Variants in TLN2 observed in about 807,000 individuals in gnomAD.
TLN2 encodes talin 2.
In TLN2, 118 loss-of-function variants were observed where a neutral mutation model predicts 294.7. The ratio of observed to expected loss-of-function variants is 0.40; its 90% confidence interval spans 0.34 to 0.47. TLN2 has a LOEUF of 0.47. Ranked by LOEUF, TLN2 falls within the 20% of genes least tolerant of loss-of-function variation. The pLI, the probability that TLN2 is intolerant of heterozygous loss-of-function variation, is 0.84. For missense variants in TLN2, 3,083 were observed against 3,282.2 expected, an observed-to-expected ratio of 0.94 and a Z score of 1.48; for synonymous variants, 1,431 against 1,304.5, an observed-to-expected ratio of 1.10 and a Z score of -2.09.
At position 62,796,356 on chromosome 15, in the gene TLN2, C is replaced by T. The variant is rs80069328; in HGVS notation, c.6050+63C>T. 2,424 of 1,529,290 alleles carry T rather than the reference C, an allele frequency of 1.6e-3. 28 individuals are homozygous for T. The African/African-American group carries it at 0.029, about 18-fold the overall frequency. 94.7% of individuals were successfully genotyped at this position (1,529,290 alleles called of 1,614,324 possible). A position where few individuals can be genotyped will look rare whatever the true frequency, so the allele number is the denominator to read the frequency against. ...GCCTGCCCCTGAAACTCATGATCGA[C>T]TTGGAGACGCCACCTGGGAGCCAGA... On this transcript the variant is annotated intron_variant, in intron 47 of 58. Transcript: ENST00000636159.
chr15:62,757,606 C>G (rs2062371695), intron 37 of TLN2, among the ~76,000 whole-genome samples: 1 of 152,164 alleles, frequency 6.6e-6, no homozygotes, highest in South Asian at 2.1e-4. Flanking sequence ...ATCTCATGTT[C>G]TTTTCAGATT....
chr15:62,448,954 C>T (rs1440936282), intron 1 of TLN2, among the ~76,000 whole-genome samples: 1 of 152,164 alleles, frequency 6.6e-6, no homozygotes, highest in African/African-American at 2.4e-5. Flanking sequence ...TTTTGCAGGG[C>T]AACTGGCTTC....
chr15:62,424,713 C>T (rs1026768449), intron 1 of TLN2, among the ~76,000 whole-genome samples: 3 of 152,088 alleles, frequency 2.0e-5, no homozygotes, highest in Non-Finnish European at 2.9e-5. Context: ...AGTCTAGTGG[C>T]CCAATCTTGG....
chr15:62,405,953 T>C (rs1188026622), intron 1 of TLN2, among the ~76,000 whole-genome samples: 14 of 152,200 alleles, frequency 9.2e-5, no homozygotes, highest in Non-Finnish European at 2.9e-5. Context: ...GGCTCTTTGA[T>C]GAACCTCAGA....
rs557572198 is a variant in TLN2 at position 62,805,650 on chromosome 15, C to T, written c.6528C>T (p.Ser2176=). 3.2e-5 allele frequency: 52 copies of T among 1,613,942 alleles called. No individual in the cohort carries two copies. The East Asian group carries it at 1.1e-3, about 33-fold the overall frequency. ...AAAAGACATCATCACCTGAAGAATC[C>T]ATAAGGATGACGAAAGGCATCACCA... ...VPEKTSSPEE[S]IRMTKGITMA... Residue 2176 remains serine (S), a synonymous_variant, in exon 51 of 59, where the codon TCC becomes TCT. Coordinates refer to ENST00000636159, the MANE Select transcript of TLN2 (RefSeq NM_015059.3).
At chr15:62,517,672 C>A (rs11857489) in intron 1 of TLN2, among the ~76,000 whole-genome samples, 1 of 152,128 alleles carries the variant, frequency 6.6e-6, no homozygotes, top group African/African-American at 2.4e-5. Context: ...TCAAACACAC[C>A]GCTAATGTTA....
At chr15:62,446,056 G>T (rs917295485) in intron 1 of TLN2, among the ~76,000 whole-genome samples, 1 of 151,490 alleles carries the variant, frequency 6.6e-6, no homozygotes, top group African/African-American at 2.4e-5. Flanking sequence ...GCCCGGGCTG[G>T]AGTGCAGTGG....
chr15:62,644,484 C>T (rs1171504553), intron 3 of TLN2: 1 of 455,900 alleles, frequency 2.2e-6, no homozygotes, highest in Non-Finnish European at 4.4e-6. Context: ...CTATATTCCA[C>T]CTCTCCACTG....
intron 51 of TLN2, among the ~76,000 whole-genome samples, chr15:62,806,507 G>C (rs2066297652): frequency 6.6e-6 from 1 of 152,174 alleles, no homozygotes; most frequent in African/African-American, 2.4e-5. Context: ...TGCCATCCCT[G>C]GTGAGGAAGT....
At chr15:62,568,274 G>A (rs1257822512) in intron 1 of TLN2, among the ~76,000 whole-genome samples, 1 of 152,102 alleles carries the variant, frequency 6.6e-6, no homozygotes, top group Non-Finnish European at 1.5e-5. Flanking sequence ...AGTGGAGCCC[G>A]AGCAGGCAGA....
At chr15:62,559,674 G>T (rs1405975899) in intron 1 of TLN2, among the ~76,000 whole-genome samples, 1 of 152,116 alleles carries the variant, frequency 6.6e-6, no homozygotes, top group Non-Finnish European at 1.5e-5. Context: ...TGGTGGCAAT[G>T]GAAACCCATT....
At chr15:62,792,869 A>T in intron 46 of TLN2, 82 bp downstream of exon 46, 1 of 1,557,924 alleles carries the variant, frequency 6.4e-7, no homozygotes, top group East Asian at 2.4e-5. Context: ...CAAAAGCAGG[A>T]AACTCAGCCA....
intron 1 of TLN2, among the ~76,000 whole-genome samples, chr15:62,535,177 T>G (rs2041265256): frequency 6.6e-6 from 1 of 152,226 alleles, no homozygotes; most frequent in Non-Finnish European, 1.5e-5. Context: ...GAACACTTGC[T>G]GTTATTCTTC....
In TLN2 at chr15:62,645,061, G is replaced by T. The variant is rs145760273; in HGVS notation, c.-36-2214G>T. On this transcript the variant is annotated intron_variant, in intron 3 of 58. Transcript: ENST00000636159. ...CCACCAGTCATGCTTATGGATTTTA[G>T]CAATTGTTGCCAGCCCCAGGAGACA... is the stretch of plus-strand genomic sequence containing the variant. 2.7e-3 allele frequency: 430 copies of T among 158,344 alleles called. 3 individuals carry two copies. The highest frequency in any genetic ancestry group is 9.7e-3 in the African/African-American group (404 of 41,624). The allele number at this position is 158,344 out of a possible 1,614,324, so 9.8% of individuals were successfully genotyped here.
At position 62,842,291 on chromosome 15, in the gene TLN2, G is replaced by A. The variant is rs943250768; in HGVS notation, c.*1681G>A. 3 of 152,156 alleles carry A rather than the reference G, an allele frequency of 2.0e-5. No individual in the cohort carries two copies. The highest frequency in any genetic ancestry group is 7.2e-5 in the African/African-American group (3 of 41,420). 9.4% of individuals were successfully genotyped at this position (152,156 alleles called of 1,614,324 possible). ...TATGTGTAGGACACTGACAGTGTGT[G>A]GGCACCAGTTCTGAAGAGGAGGGGA... On this transcript the variant is annotated 3_prime_UTR_variant, in exon 59 of 59. Coordinates refer to ENST00000636159, the MANE Select transcript of TLN2 (RefSeq NM_015059.3).
At chr15:62,580,765 A>G (rs1043122470) in intron 1 of TLN2, among the ~76,000 whole-genome samples, 5 of 151,682 alleles carry the variant, frequency 3.3e-5, no homozygotes, top group Non-Finnish European at 7.4e-5. Flanking sequence ...GTAGAATGAT[A>G]CACATCCACC....
At chr15:62,745,511 T>C (rs191237838) in intron 32 of TLN2, among the ~76,000 whole-genome samples, 2 of 152,340 alleles carry the variant, frequency 1.3e-5, no homozygotes, top group East Asian at 3.9e-4. Context: ...CCTTTTAATA[T>C]ATGTCGTTCT....
intron 1 of TLN2, among the ~76,000 whole-genome samples, chr15:62,437,748 T>TGG (rs56340210): frequency 0.44 from 54,540 of 125,036 alleles, 10,006 homozygotes; most frequent in Middle Eastern, 0.66. Flanking sequence ...AAAAACACCA[T>TGG]GGGGGTGTGT....
intron 3 of TLN2, among the ~76,000 whole-genome samples, chr15:62,639,496 A>T (rs916341383): frequency 1.3e-5 from 2 of 152,194 alleles, no homozygotes; most frequent in Non-Finnish European, 2.9e-5. Flanking sequence ...TGAAGTGTTC[A>T]AACAGTAGTC....
Sources: gnomAD v4.1 joint callset for allele counts (sites outside exome capture counted in the v4.1 genomes callset) on GRCh38, gnomAD v4.1.1 for gene constraint, MANE v1.5 for transcripts, NCBI Gene and HGNC (gene_info 2026-07-23, HGNC 2026-07-21) for gene names.